Variants in PTPN13 observed in about 807,000 individuals in gnomAD.
PTPN13 encodes protein tyrosine phosphatase non-receptor type 13.
Under a neutral mutation model 284.0 loss-of-function variants are expected in PTPN13, and 191 were observed. That is an observed-to-expected ratio of 0.67 (90% CI 0.60 to 0.76). PTPN13 has a LOEUF of 0.76. Ranked by LOEUF, PTPN13 falls within the 30% of genes least tolerant of loss-of-function variation. The pLI is 0.00. For missense variants in PTPN13, 2,797 were observed against 2,939.9 expected (o/e 0.95, Z 1.12); for synonymous variants, 986 against 1,022.3 (o/e 0.96, Z 0.68).
At chr4:86,656,312 G>A (rs1360039441) in intron 2 of PTPN13, among the ~76,000 whole-genome samples, 1 of 152,184 alleles carries the variant, frequency 6.6e-6, no homozygotes, top group Non-Finnish European at 1.5e-5. Flanking sequence ...GAGTGGGAGA[G>A]GCCCTCTGGT....
chr4:86,754,204 A>G (rs565431241), intron 20 of PTPN13, among the ~76,000 whole-genome samples: 1 of 152,212 alleles, frequency 6.6e-6, no homozygotes, highest in East Asian at 1.9e-4. Flanking sequence ...TTTTGAATGT[A>G]TCCTCGAAAA....
intron 44 of PTPN13, among the ~76,000 whole-genome samples, chr4:86,805,721 A>G (rs1452569026): frequency 6.6e-6 from 1 of 152,232 alleles, no homozygotes; most frequent in African/African-American, 2.4e-5. Flanking sequence ...GGATTCATTT[A>G]TCACAACCAC....
intron 17 of PTPN13, 144 bp downstream of exon 17, chr4:86,745,272 TA>T: frequency 1.3e-6 from 1 of 792,636 alleles, no homozygotes. Flanking sequence ...ATAAAGGTGT[TA>T]CAAGTGAAGC....
chr4:86,701,902 C>A (rs1731207591), intron 7 of PTPN13, 101 bp downstream of exon 7: 2 of 1,212,448 alleles, frequency 1.6e-6, no homozygotes. Flanking sequence ...CTTATTTTCA[C>A]TGCCAAATTT....
chr4:86,761,369 T>A (rs1463893106), intron 23 of PTPN13, among the ~76,000 whole-genome samples: 1 of 152,028 alleles, frequency 6.6e-6, no homozygotes, highest in African/African-American at 2.4e-5. Context: ...TAGCTATAAT[T>A]CTATTATAAA....
At chr4:86,790,273 G>A (rs1166543838) in intron 40 of PTPN13, among the ~76,000 whole-genome samples, 1 of 152,084 alleles carries the variant, frequency 6.6e-6, no homozygotes, top group African/African-American at 2.4e-5. Context: ...TATTATCAGG[G>A]TAATTTAATT....
intron 1 of PTPN13, among the ~76,000 whole-genome samples, chr4:86,624,523 A>T (rs1322792281): frequency 6.6e-6 from 1 of 152,218 alleles, no homozygotes. Context: ...TAGTTAGTTC[A>T]GTTGCTAAAA....
At chr4:86,632,846 T>C (rs1000837351) in intron 1 of PTPN13, among the ~76,000 whole-genome samples, 1 of 152,104 alleles carries the variant, frequency 6.6e-6, no homozygotes, top group Non-Finnish European at 1.5e-5. Context: ...TCTCACTCTG[T>C]CAACCAGGCT....
At chr4:86,760,390 T>C (rs1738539533) in intron 23 of PTPN13, among the ~76,000 whole-genome samples, 1 of 152,190 alleles carries the variant, frequency 6.6e-6, no homozygotes. Flanking sequence ...CATTTCTGAA[T>C]CATAGGAATG....
At chr4:86,788,857 A>G (rs1234442519) in intron 40 of PTPN13, among the ~76,000 whole-genome samples, 4 of 152,220 alleles carry the variant, frequency 2.6e-5, no homozygotes, top group African/African-American at 9.7e-5. Context: ...TTAAAAAGCT[A>G]TAGAAACATA....
Position 86,751,129 on chromosome 4 carries a change from G to A in PTPN13, c.3166+5G>A. On this transcript the variant is annotated splice_donor_5th_base_variant and intron_variant, in intron 19 of 47. Coordinates refer to ENST00000411767, the MANE Select transcript of PTPN13 (RefSeq NM_080683.3). Reference sequence around the variant, plus strand: ...CTGGGCAAGCATATGTTCTAGGTCAGCAAAAACAAGCTTACCTTCTTTGTC... The same window carrying A: ...CTGGGCAAGCATATGTTCTAGGTCAACAAAAACAAGCTTACCTTCTTTGTC... 6.5e-7 allele frequency: 1 copy of A among 1,545,974 alleles called. No homozygotes were observed. Among genetic ancestry groups the A allele is most frequent in the Non-Finnish European group, 8.9e-7 (1 of 1,120,986 alleles).
intron 1 of PTPN13, among the ~76,000 whole-genome samples, chr4:86,597,692 C>T (rs1763940750): frequency 6.6e-6 from 1 of 152,128 alleles, no homozygotes; most frequent in Non-Finnish European, 1.5e-5. Context: ...TCTATCCTGC[C>T]CAACCCTGTT....
intron 2 of PTPN13, among the ~76,000 whole-genome samples, chr4:86,646,968 T>G (rs1724513648): frequency 6.6e-6 from 1 of 152,082 alleles, no homozygotes; most frequent in African/African-American, 2.4e-5. Context: ...GACAAAAAAA[T>G]AGTACATTCT....
Position 86,699,447 on chromosome 4 carries a change from C to G in PTPN13, c.635-1794C>G, listed in dbSNP as rs77138729. 3.3e-3 allele frequency among the ~76,000 whole-genome samples: 504 copies of G among 152,028 alleles called. 3 individuals carry two copies. Among genetic ancestry groups the G allele is most frequent in the African/African-American group, 0.011 (476 of 41,476 alleles). On this transcript the variant is annotated intron_variant, in intron 6 of 47. Coordinates refer to ENST00000411767, the MANE Select transcript of PTPN13 (RefSeq NM_080683.3). ...AATTACTCATGGAAAGATGAGAAAG[C>G]TCTCCTCCAACAGCTCCGGTTTTCC...
intron 17 of PTPN13, among the ~76,000 whole-genome samples, chr4:86,747,369 C>G (rs940427968): frequency 6.6e-6 from 1 of 152,186 alleles, no homozygotes; most frequent in Admixed American, 6.5e-5. Flanking sequence ...GAAATGAATT[C>G]ATACGTGTAG....
At chr4:86,597,166 CT>C (rs34114364) in intron 1 of PTPN13, among the ~76,000 whole-genome samples, 1,679 of 141,348 alleles carry the variant, frequency 0.012, 7 homozygotes, top group Non-Finnish European at 0.017. Context: ...GCTGGGCTTC[CT>C]TTTTTTTTTT....
intron 35 of PTPN13, among the ~76,000 whole-genome samples, chr4:86,779,454 A>G (rs188020486): frequency 2.0e-4 from 31 of 151,436 alleles, no homozygotes; most frequent in Middle Eastern, 3.5e-3. Context: ...GGGCCTGTGG[A>G]TTTGTACACA....
Position 86,762,924 on chromosome 4 carries a change from A to T in PTPN13, c.3751A>T (p.Thr1251Ser). 1.2e-6 allele frequency: 2 copies of T among 1,613,956 alleles called. No individual in the cohort carries two copies. The highest frequency in any genetic ancestry group is 1.7e-6 in the Non-Finnish European group (2 of 1,179,860). ...AAGCCTGAGTTCTCAAGATTCCAGG[A>T]CTGAGAGTGCCAGCTTGTCTCAAAG... Reference protein sequence around the residue: ...EGSLSSQDSRTESASLSQSQV... With the variant: ...EGSLSSQDSRSESASLSQSQV... The change falls in exon 24 of 48, where the codon ACT becomes TCT. Residue 1251 changes from threonine to serine, a missense_variant. By Grantham distance (58) the Thr-to-Ser change is moderately conservative (BLOSUM62 1). Coordinates refer to ENST00000411767, the MANE Select transcript of PTPN13 (RefSeq NM_080683.3).
chr4:86,647,747 G>T (rs1724604774), intron 2 of PTPN13, among the ~76,000 whole-genome samples: 1 of 151,974 alleles, frequency 6.6e-6, no homozygotes, highest in Non-Finnish European at 1.5e-5. Flanking sequence ...TATGACTAGT[G>T]TCCTTATAAG....
Sources: gnomAD v4.1 joint callset for allele counts (sites outside exome capture counted in the v4.1 genomes callset) on GRCh38, gnomAD v4.1.1 for gene constraint, MANE v1.5 for transcripts, NCBI Gene and HGNC (gene_info 2026-07-23, HGNC 2026-07-21) for gene names.